The following SEM1 variants were observed in gnomAD, a reference collection of about 807,000 sequenced individuals.
SEM1 encodes the protein 26S proteasome complex subunit SEM1.
Under a neutral mutation model 12.7 loss-of-function variants are expected in SEM1, and 3 were observed. The observed-to-expected ratio is 0.24, with a 90% CI of 0.11 to 0.61. The LOEUF (loss-of-function observed/expected upper bound fraction) is 0.61, where lower values mean the gene tolerates loss of function less well. SEM1 is among the 20% of genes least tolerant of loss of function. The pLI is 0.88. For synonymous variants in SEM1, 30 were observed against 27.8 expected (o/e 1.08, Z -0.25); for missense variants, 59 against 81.3 (o/e 0.73, Z 1.06).
intron 2 of SEM1, among the ~76,000 whole-genome samples, chr7:96,594,886 A>G (rs944366115): frequency 6.6e-6 from 1 of 152,200 alleles, no homozygotes; most frequent in Non-Finnish European, 1.5e-5. Flanking sequence ...GCAGCTACAT[A>G]AACAAAAGAA....
intron 2 of SEM1, among the ~76,000 whole-genome samples, chr7:96,632,473 T>C (rs1000474111): frequency 1.3e-5 from 2 of 152,136 alleles, no homozygotes; most frequent in Admixed American, 1.3e-4. Flanking sequence ...AAACACTGCA[T>C]GTTCCCACTC....
intron 2 of SEM1, among the ~76,000 whole-genome samples, chr7:96,529,301 G>C (rs1003547766): frequency 2.6e-5 from 4 of 151,970 alleles, no homozygotes; most frequent in Non-Finnish European, 5.9e-5. Context: ...TAAACAAAAC[G>C]CTAATTTGAA....
intron 2 of SEM1, among the ~76,000 whole-genome samples, chr7:96,525,767 C>T (rs1381378615): frequency 2.0e-5 from 3 of 152,146 alleles, no homozygotes; most frequent in South Asian, 2.1e-4. Flanking sequence ...AGATCAGAGG[C>T]GCGTTAACTC....
intron 2 of SEM1, among the ~76,000 whole-genome samples, chr7:96,631,677 T>C (rs1460631644): frequency 6.6e-6 from 1 of 152,084 alleles, no homozygotes; most frequent in Non-Finnish European, 1.5e-5. Flanking sequence ...CCAAAAGCAA[T>C]GGCAACAAAA....
chr7:96,557,319 G>A (rs1356492180), intron 2 of SEM1, among the ~76,000 whole-genome samples: 2 of 145,940 alleles, frequency 1.4e-5, no homozygotes, highest in Admixed American at 6.9e-5. Context: ...CATCGTTGTG[G>A]TTTTATCTAC....
chr7:96,665,805 G>C (rs1158704410), intron 2 of SEM1, among the ~76,000 whole-genome samples: 9 of 152,138 alleles, frequency 5.9e-5, no homozygotes, highest in Non-Finnish European at 2.9e-5. Context: ...TGATTCCAAT[G>C]AACAACTAAG....
intron 2 of SEM1, among the ~76,000 whole-genome samples, chr7:96,598,704 A>C (rs1221332964): frequency 6.6e-6 from 1 of 152,196 alleles, no homozygotes; most frequent in Non-Finnish European, 1.5e-5. Flanking sequence ...AAAGATCTGA[A>C]GAGTGTAGAA....
chr7:96,668,460 A>C (rs752445308), downstream of SEM1, among the ~76,000 whole-genome samples: 11 of 152,234 alleles, frequency 7.2e-5, no homozygotes, highest in Non-Finnish European at 1.6e-4. Context: ...AGCCAATTAC[A>C]GTCCTCAACT....
At chr7:96,516,977 C>A (rs550190306) in intron 2 of SEM1, among the ~76,000 whole-genome samples, 2 of 152,176 alleles carry the variant, frequency 1.3e-5, no homozygotes, top group East Asian at 3.9e-4. Context: ...ATCTGAAAAG[C>A]CTACATACTG....
chr7:96,708,384 A>C (rs933992812), intron 1 of SEM1, among the ~76,000 whole-genome samples: 1 of 152,258 alleles, frequency 6.6e-6, no homozygotes, highest in Non-Finnish European at 1.5e-5. Flanking sequence ...GTAACAGTAC[A>C]TTATAAATAG....
intron 2 of SEM1, among the ~76,000 whole-genome samples, chr7:96,485,607 A>T (rs1802722275): frequency 7.9e-6 from 1 of 126,200 alleles, no homozygotes; most frequent in Non-Finnish European, 1.6e-5. Flanking sequence ...CAGTGGTGCG[A>T]TCTCGGCTCA....
chr7:96,495,250 C>T (rs1004565765), intron 1 of SEM1, among the ~76,000 whole-genome samples: 30 of 152,130 alleles, frequency 2.0e-4, no homozygotes, highest in Admixed American at 1.7e-3. Context: ...TATTTATAGA[C>T]ATTGTATTTA....
intron 2 of SEM1, among the ~76,000 whole-genome samples, chr7:96,520,844 G>C (rs754957422): frequency 4.6e-5 from 7 of 152,026 alleles, no homozygotes; most frequent in Non-Finnish European, 7.4e-5. Flanking sequence ...TCCCCTTCTG[G>C]GTTCTTATCG....
At chr7:96,663,158 G>T (rs1180642515) in intron 2 of SEM1, among the ~76,000 whole-genome samples, 1 of 147,400 alleles carries the variant, frequency 6.8e-6, no homozygotes, top group African/African-American at 2.6e-5. Flanking sequence ...AAAAAAAAAA[G>T]TGGAGGGAAA....
At chr7:96,525,332 T>A (rs1249824916) in intron 2 of SEM1, among the ~76,000 whole-genome samples, 1 of 151,356 alleles carries the variant, frequency 6.6e-6, no homozygotes, top group Non-Finnish European at 1.5e-5. Flanking sequence ...ACTCTGTGGG[T>A]GGGACCCAGC....
intron 2 of SEM1, among the ~76,000 whole-genome samples, chr7:96,633,770 T>C (rs1188965006): frequency 3.9e-5 from 6 of 152,114 alleles, no homozygotes; most frequent in African/African-American, 1.4e-4. Flanking sequence ...AATATTGTTA[T>C]GGTAGTTCTA....
At chr7:96,695,008 CT>C in intron 1 of SEM1, 117 bp from the exon 2 acceptor site, 1 of 655,586 alleles carries the variant, frequency 1.5e-6, no homozygotes. Context: ...AAAACCATAT[CT>C]ATGAAAAATG....
exon 3 of SEM1, chr7:96,673,664 C>A: frequency 1.4e-6 from 1 of 706,996 alleles, no homozygotes; most frequent in South Asian, 1.5e-5. Context: ...ATGCACATAT[C>A]CACATGACTA....
chr7:96,614,855 TAC>T (rs139718624), intron 2 of SEM1, among the ~76,000 whole-genome samples: 5 of 152,106 alleles, frequency 3.3e-5, no homozygotes, highest in African/African-American at 9.7e-5. Flanking sequence ...CACACACACA[TAC>T]ACACACACAG....
Sources: gnomAD v4.1 joint callset for allele counts (sites outside exome capture counted in the v4.1 genomes callset) on GRCh38, gnomAD v4.1.1 for gene constraint, MANE v1.5 for transcripts, NCBI Gene and HGNC (gene_info 2026-07-23, HGNC 2026-07-21) for gene names.